SPRR2G: variants seen among roughly 807,000 people sequenced by gnomAD.
The protein encoded by SPRR2G is small proline rich protein 2G.
In SPRR2G, 1 loss-of-function variant was observed where a neutral mutation model predicts 0.7. That is an observed-to-expected ratio of 1.49 (90% CI 0.53 to 7.06). The LOEUF (loss-of-function observed/expected upper bound fraction) is 7.06, where lower values mean the gene tolerates loss of function less well. Ranked by LOEUF, SPRR2G falls within the 30% of genes most tolerant of loss-of-function variation. The pLI is 0.14. For synonymous variants in SPRR2G, 38 were observed against 33.9 expected, an observed-to-expected ratio of 1.12 and a Z score of -0.42; for missense variants, 96 against 88.5, an observed-to-expected ratio of 1.09 and a Z score of -0.34.
At chr1:153,184,813 C>T in the SPRR2G span, among the ~76,000 whole-genome samples, 2 of 152,124 alleles carry the variant, frequency 1.3e-5, no homozygotes, top group Non-Finnish European at 2.9e-5. Context: ...CCAGTTTTTG[C>T]ACATTCAGTA....
At chr1:153,181,647 A>G in the SPRR2G span, among the ~76,000 whole-genome samples, 2 of 151,544 alleles carry the variant, frequency 1.3e-5, no homozygotes, top group Non-Finnish European at 2.9e-5. Context: ...TTTAGCTCCC[A>G]CATATGATGG....
chr1:153,160,792 G>A, the SPRR2G span, among the ~76,000 whole-genome samples: 1 of 150,984 alleles, frequency 6.6e-6, no homozygotes, highest in Non-Finnish European at 1.5e-5. Flanking sequence ...ATATGCACAT[G>A]TATGTTTATT....
upstream of SPRR2G, among the ~76,000 whole-genome samples, chr1:153,153,527 G>C (rs1258082876): frequency 1.3e-5 from 2 of 152,142 alleles, no homozygotes; most frequent in Non-Finnish European, 2.9e-5. Flanking sequence ...TGGGAATTAT[G>C]AGGCTGAATT....
At chr1:153,192,598 T>C in the SPRR2G span, among the ~76,000 whole-genome samples, 2 of 152,314 alleles carry the variant, frequency 1.3e-5, no homozygotes, top group South Asian at 4.1e-4. Flanking sequence ...GTCCCTTCAC[T>C]GTGCACAGGA....
At chr1:153,150,207 C>T in intron 1 of SPRR2G, 76 bp from the exon 2 acceptor site, 3 of 1,570,478 alleles carry the variant, frequency 1.9e-6, no homozygotes, top group Non-Finnish European at 2.6e-6. Flanking sequence ...GACATCAAAT[C>T]TCCAGTATCT....
At chr1:153,198,067 GC>G in the SPRR2G span, among the ~76,000 whole-genome samples, 1 of 152,158 alleles carries the variant, frequency 6.6e-6, no homozygotes, top group Non-Finnish European at 1.5e-5. Context: ...CTTGGCTAAG[GC>G]AACTAACTGC....
chr1:153,181,368 A>T, the SPRR2G span, among the ~76,000 whole-genome samples: 4 of 152,156 alleles, frequency 2.6e-5, no homozygotes, highest in African/African-American at 9.7e-5. Flanking sequence ...AGTATTTAGA[A>T]TATCCATCAC....
At chr1:153,155,114 C>CTATGCAT (rs1656555473), upstream of SPRR2G, among the ~76,000 whole-genome samples, 1 of 152,172 alleles carries the variant, frequency 6.6e-6, no homozygotes, top group Non-Finnish European at 1.5e-5. Flanking sequence ...TCTTACCATC[C>CTATGCAT]TATGCATTCT....
chr1:153,200,206 C>T, the SPRR2G span, among the ~76,000 whole-genome samples: 14 of 152,090 alleles, frequency 9.2e-5, no homozygotes. Flanking sequence ...TAATAGTTAA[C>T]ATTAAAATAT....
At chr1:153,173,291 C>T in the SPRR2G span, among the ~76,000 whole-genome samples, 1 of 152,118 alleles carries the variant, frequency 6.6e-6, no homozygotes, top group Admixed American at 6.5e-5. Flanking sequence ...TTGTGATATT[C>T]GATTACTCCC....
the SPRR2G span, among the ~76,000 whole-genome samples, chr1:153,162,418 C>G: frequency 1.3e-5 from 2 of 152,146 alleles, no homozygotes; most frequent in African/African-American, 4.8e-5. Context: ...TTGAATGGAG[C>G]AGGGAGCTAC....
the SPRR2G span, among the ~76,000 whole-genome samples, chr1:153,159,328 A>G: frequency 6.6e-6 from 1 of 152,228 alleles, no homozygotes; most frequent in Non-Finnish European, 1.5e-5. Flanking sequence ...TTGCTAAAGC[A>G]TAGCAGCAGT....
chr1:153,161,756 T>A, the SPRR2G span, among the ~76,000 whole-genome samples: 2 of 152,314 alleles, frequency 1.3e-5, no homozygotes, highest in East Asian at 3.9e-4. Context: ...CTGTGAATAA[T>A]CTTAGAAATC....
chr1:153,198,139 G>C, the SPRR2G span, among the ~76,000 whole-genome samples: 1 of 152,132 alleles, frequency 6.6e-6, no homozygotes, highest in African/African-American at 2.4e-5. Flanking sequence ...GGTTGAGGAG[G>C]AGAGAGGGAG....
chr1:153,180,562 T>G, the SPRR2G span, among the ~76,000 whole-genome samples: 1 of 152,238 alleles, frequency 6.6e-6, no homozygotes, highest in African/African-American at 2.4e-5. Context: ...TTAAAAATAG[T>G]GCTAATGTGA....
At chr1:153,197,017 C>T in the SPRR2G span, among the ~76,000 whole-genome samples, 2 of 152,226 alleles carry the variant, frequency 1.3e-5, no homozygotes, top group Middle Eastern at 3.4e-3. Flanking sequence ...GAGAATGACT[C>T]CCATTTACCC....
the SPRR2G span, among the ~76,000 whole-genome samples, chr1:153,178,572 A>G: frequency 6.6e-6 from 1 of 152,130 alleles, no homozygotes; most frequent in Admixed American, 6.5e-5. Context: ...CAGATGATAT[A>G]ATTTCTTCCT....
the SPRR2G span, among the ~76,000 whole-genome samples, chr1:153,189,801 G>GA: frequency 2.0e-5 from 3 of 152,056 alleles, no homozygotes; most frequent in Non-Finnish European, 2.9e-5. Flanking sequence ...TGAGTAAGGA[G>GA]AAAAAATGCC....
chr1:153,150,581 T>A (rs1301532406), intron 1 of SPRR2G, among the ~76,000 whole-genome samples: 1 of 152,160 alleles, frequency 6.6e-6, no homozygotes, highest in African/African-American at 2.4e-5. Context: ...CCAAGAGAGA[T>A]GTATTTGGAA....
Sources: allele counts gnomAD v4.1 joint callset (sites outside exome capture counted in the v4.1 genomes callset), GRCh38; gene constraint gnomAD v4.1.1; transcripts MANE v1.5; gene names NCBI Gene and HGNC (gene_info 2026-07-23, HGNC 2026-07-21).